The following PDK3 variants were observed in gnomAD, a reference collection of about 807,000 sequenced individuals.
PDK3 encodes pyruvate dehydrogenase kinase, isozyme 3.
A neutral mutation model predicts 32.0 loss-of-function variants in PDK3; 12 were observed. That is an observed-to-expected ratio of 0.37 (90% CI 0.24 to 0.61). The LOEUF (loss-of-function observed/expected upper bound fraction) is 0.61. Ranked by LOEUF, PDK3 falls within the 20% of genes least tolerant of loss-of-function variation. The pLI is 0.65. For missense variants in PDK3, 188 were observed against 316.9 expected, an observed-to-expected ratio of 0.59 and a Z score of 3.09; for synonymous variants, 122 against 116.3, an observed-to-expected ratio of 1.05 and a Z score of -0.31.
chrX:24,494,913 C>G (rs1921663505), intron 2 of PDK3, 30 bp downstream of exon 2: 1 of 1,167,499 alleles, frequency 8.6e-7, no homozygotes. Context: ...TAAAATGGAT[C>G]TTCCCACAAT....
chrX:24,481,733 T>C (rs1202137965), intron 1 of PDK3, among the ~76,000 whole-genome samples: 1 of 112,137 alleles, frequency 8.9e-6, no homozygotes, highest in Non-Finnish European at 1.9e-5. Flanking sequence ...ATGTGCTTGC[T>C]TCCCCTTCGC....
rs1215212577 is a variant in PDK3 at position 24,477,670 on chromosome X, A to G, written c.106+12109A>G. 2.7e-5 allele frequency among the ~76,000 whole-genome samples: 3 copies of G among 111,506 alleles called. No homozygotes were observed. The East Asian group carries it at 8.4e-4, about 31-fold the overall frequency. The stretch of plus-strand genomic sequence containing the variant: ...TATCATGGTCAGATTTGTCACCTAT[A>G]GCAGAGTTTGTAAGTAGTTATTAAA... On this transcript the variant is annotated intron_variant, in intron 1 of 10. Coordinates refer to ENST00000379162, the MANE Select transcript of PDK3 (RefSeq NM_005391.5).
exon 12 of PDK3, among the ~76,000 whole-genome samples, chrX:24,541,553 T>C (rs976803698): frequency 1.8e-5 from 2 of 112,670 alleles, no homozygotes; most frequent in Admixed American, 9.4e-5. Context: ...CTTTTTGGCT[T>C]ACTCACATCC....
At chrX:24,535,622 G>A (rs763256122), downstream of PDK3, among the ~76,000 whole-genome samples, 12 of 111,223 alleles carry the variant, frequency 1.1e-4, no homozygotes, top group African/African-American at 3.3e-4. Flanking sequence ...CTATAGCTTC[G>A]TGTATATTCT....
At chrX:24,500,713 CTTT>C (rs1921833468) in intron 3 of PDK3, among the ~76,000 whole-genome samples, 2 of 111,958 alleles carry the variant, frequency 1.8e-5, no homozygotes, top group Admixed American at 1.9e-4. Context: ...TGGTAGCAGC[CTTT>C]TCTGTTTACC....
At chrX:24,470,246 A>G (rs1303268281) in intron 1 of PDK3, among the ~76,000 whole-genome samples, 1 of 111,854 alleles carries the variant, frequency 8.9e-6, no homozygotes, top group African/African-American at 3.2e-5. Flanking sequence ...CTGGTTCTTA[A>G]AGATTTGGTA....
chrX:24,512,663 T>C (rs1352367778), intron 5 of PDK3, among the ~76,000 whole-genome samples: 1 of 111,100 alleles, frequency 9.0e-6, no homozygotes, highest in East Asian at 2.8e-4. Flanking sequence ...CTCGGGAGGC[T>C]GAGACAGGAG....
At chrX:24,522,144 A>G (rs1384778112) in intron 6 of PDK3, among the ~76,000 whole-genome samples, 1 of 112,223 alleles carries the variant, frequency 8.9e-6, no homozygotes, top group African/African-American at 3.2e-5. Context: ...ACTGTACAAA[A>G]TAGAGACTTC....
At chrX:24,499,061 C>A in intron 3 of PDK3, 161 bp downstream of exon 3, 1 of 336,207 alleles carries the variant, frequency 3.0e-6, no homozygotes, top group East Asian at 4.9e-5. Context: ...TTTTTTAATT[C>A]GAGCTAAGAA....
chrX:24,538,517 G>A (rs1056974946), downstream of PDK3, among the ~76,000 whole-genome samples: 4 of 112,095 alleles, frequency 3.6e-5, no homozygotes, highest in African/African-American at 6.5e-5. Context: ...AGTAGCTCAC[G>A]CCTGTAATCC....
At chrX:24,523,361 T>C (rs928448445) in intron 6 of PDK3, among the ~76,000 whole-genome samples, 1 of 112,255 alleles carries the variant, frequency 8.9e-6, no homozygotes, top group African/African-American at 3.2e-5. Context: ...ATTCCGTCCA[T>C]AAGAGGCATG....
intron 1 of PDK3, among the ~76,000 whole-genome samples, chrX:24,472,226 C>T (rs1920997608): frequency 1.8e-5 from 2 of 111,790 alleles, no homozygotes; most frequent in South Asian, 3.7e-4. Flanking sequence ...AGACCTTTGT[C>T]CCATATGGGT....
chrX:24,537,851 G>T (rs986894007), downstream of PDK3, among the ~76,000 whole-genome samples: 10 of 111,995 alleles, frequency 8.9e-5, no homozygotes, highest in Admixed American at 7.6e-4. Flanking sequence ...TGCTGGACTG[G>T]CCACTCATCT....
chrX:24,527,713 T>C (rs187233339), intron 8 of PDK3, 38 bp downstream of exon 8: 2 of 772,864 alleles, frequency 2.6e-6, no homozygotes, highest in East Asian at 6.6e-5. Context: ...TAATTATCAG[T>C]TGTGATTTAA....
exon 12 of PDK3, among the ~76,000 whole-genome samples, chrX:24,544,777 G>C (rs1386509135): frequency 8.9e-6 from 1 of 112,108 alleles, no homozygotes; most frequent in Non-Finnish European, 1.9e-5. Flanking sequence ...TTTTGGATGT[G>C]TGGGTCAGAG....
At chrX:24,484,728 A>G (rs1160311227) in intron 1 of PDK3, among the ~76,000 whole-genome samples, 3 of 111,648 alleles carry the variant, frequency 2.7e-5, no homozygotes, top group African/African-American at 9.8e-5. Context: ...ATAGTAGCAT[A>G]TTTTGTATGA....
At chrX:24,497,362 G>A (rs1054120245) in intron 2 of PDK3, among the ~76,000 whole-genome samples, 2 of 112,035 alleles carry the variant, frequency 1.8e-5, no homozygotes, top group Admixed American at 1.9e-4. Flanking sequence ...TCGGCTCACT[G>A]CAACTTCTGC....
chrX:24,546,903 C>T (rs1486285504), exon 12 of PDK3: 2 of 112,783 alleles, frequency 1.8e-5, no homozygotes, highest in East Asian at 2.8e-4. Context: ...GATATAGTTA[C>T]GTGCCTGCAT....
At chrX:24,509,153 C>T (rs924221832) in intron 5 of PDK3, among the ~76,000 whole-genome samples, 1 of 111,908 alleles carries the variant, frequency 8.9e-6, no homozygotes, top group Non-Finnish European at 1.9e-5. Context: ...TAGTTCAATA[C>T]ATAATTGAAA....
Sources: gnomAD v4.1 joint callset for allele counts (sites outside exome capture counted in the v4.1 genomes callset) on GRCh38, gnomAD v4.1.1 for gene constraint, MANE v1.5 for transcripts, NCBI Gene and HGNC (gene_info 2026-07-23, HGNC 2026-07-21) for gene names.